The following PDZRN4 variants were observed in gnomAD, a reference collection of about 807,000 sequenced individuals.
PDZRN4 encodes PDZ domain containing ring finger 4.
In PDZRN4, 70 loss-of-function variants were observed where a neutral mutation model predicts 99.0. That is an observed-to-expected ratio of 0.71 (90% confidence interval 0.58 to 0.86). The LOEUF is 0.86. PDZRN4 is among the 40% of genes least tolerant of loss of function. The pLI is 0.00. For synonymous variants in PDZRN4, 551 were observed against 501.6 expected (o/e 1.10, Z -1.32); for missense variants, 1,474 against 1,331.2 (o/e 1.11, Z -1.67).
rs373899498 is a variant in PDZRN4 at position 41,285,190 on chromosome 12, A to C, written c.843+91002A>C. The stretch of plus-strand genomic sequence containing the variant: ...AAAACAAAAAACCCCATCGAAAAAC[A>C]GGCAAAGAATATGAACAGACACTTC... On this transcript the variant is annotated intron_variant, in intron 3 of 9. Transcript: ENST00000402685. 2.0e-5 allele frequency among the ~76,000 whole-genome samples: 3 copies of C among 152,196 alleles called. No homozygotes were observed. In the East Asian group the frequency reaches 5.8e-4, roughly 29 times the overall value.
intron 3 of PDZRN4, among the ~76,000 whole-genome samples, chr12:41,215,739 C>T (rs967738947): frequency 6.6e-6 from 1 of 151,832 alleles, no homozygotes; most frequent in Non-Finnish European, 1.5e-5. Flanking sequence ...ATCATTTCAC[C>T]TCTCATCCTA....
chr12:41,345,400 A>G (rs533621215), intron 3 of PDZRN4, among the ~76,000 whole-genome samples: 1 of 152,252 alleles, frequency 6.6e-6, no homozygotes, highest in South Asian at 2.1e-4. Flanking sequence ...GTGGATGGTT[A>G]ATACTGCTAA....
intron 3 of PDZRN4, among the ~76,000 whole-genome samples, chr12:41,282,458 A>G (rs1218332196): frequency 1.3e-5 from 2 of 152,186 alleles, no homozygotes; most frequent in Non-Finnish European, 2.9e-5. Flanking sequence ...TATTAGACAG[A>G]TCAATGAGAC....
intron 3 of PDZRN4, among the ~76,000 whole-genome samples, chr12:41,395,049 A>G (rs1028811403): frequency 6.6e-6 from 1 of 152,108 alleles, no homozygotes; most frequent in Non-Finnish European, 1.5e-5. Flanking sequence ...CAAATTATTT[A>G]TATTGCTCCC....
chr12:41,191,588 G>A lies in PDZRN4; in HGVS notation c.735+44G>A, dbSNP rs549952978. 7.3e-5 allele frequency: 62 copies of A among 854,470 alleles called. 1 individual carries two copies. The highest frequency in any genetic ancestry group is 1.1e-4 in the Non-Finnish European group (58 of 511,304). The allele number at this position is 854,470 out of a possible 1,614,324, so 52.9% of individuals were successfully genotyped here. ...GCATTACTCGTTACTTATAAAATAA[G>A]CATTAATAAGCATTACTCATTGCTT... On this transcript the variant is annotated intron_variant, in intron 2 of 9. Coordinates refer to ENST00000402685, the MANE Select transcript of PDZRN4 (RefSeq NM_001164595.2).
intron 3 of PDZRN4, among the ~76,000 whole-genome samples, chr12:41,310,144 G>C (rs186318642): frequency 6.6e-6 from 1 of 152,202 alleles, no homozygotes; most frequent in African/African-American, 2.4e-5. Context: ...TGTTAGCCAG[G>C]CTGGTCTTGA....
At chr12:41,339,641 C>A (rs1046930754) in intron 3 of PDZRN4, among the ~76,000 whole-genome samples, 3 of 152,088 alleles carry the variant, frequency 2.0e-5, no homozygotes, top group East Asian at 1.9e-4. Context: ...AGTGAACAGA[C>A]AACCCATAGA....
chr12:41,537,916 T>C (rs1452967634), intron 5 of PDZRN4, among the ~76,000 whole-genome samples: 1 of 152,006 alleles, frequency 6.6e-6, no homozygotes, highest in East Asian at 1.9e-4. Context: ...CTGGTTCTGA[T>C]GCCAGCAGAA....
intron 3 of PDZRN4, among the ~76,000 whole-genome samples, chr12:41,260,983 C>A (rs7960429): frequency 0.4 from 60,083 of 152,000 alleles, 13,352 homozygotes; most frequent in South Asian, 0.55. Flanking sequence ...ATTTATCTCT[C>A]CCTTTTAATT....
At chr12:41,371,830 T>C (rs1952044437) in intron 3 of PDZRN4, among the ~76,000 whole-genome samples, 1 of 152,150 alleles carries the variant, frequency 6.6e-6, no homozygotes, top group Non-Finnish European at 1.5e-5. Context: ...CTCCTTTGTT[T>C]TATGCATGAT....
At chr12:41,323,922 T>A (rs985993825) in intron 3 of PDZRN4, among the ~76,000 whole-genome samples, 1 of 152,032 alleles carries the variant, frequency 6.6e-6, no homozygotes, top group Admixed American at 6.6e-5. Flanking sequence ...TATAAAGATA[T>A]AATCCAAAAC....
intron 3 of PDZRN4, among the ~76,000 whole-genome samples, chr12:41,285,237 G>C (rs1219577405): frequency 1.3e-5 from 2 of 152,228 alleles, no homozygotes; most frequent in East Asian, 3.9e-4. Flanking sequence ...CATTTATGTG[G>C]CTAACAAACA....
At chr12:41,475,992 C>T (rs1424659078) in intron 3 of PDZRN4, among the ~76,000 whole-genome samples, 1 of 152,052 alleles carries the variant, frequency 6.6e-6, no homozygotes, top group South Asian at 2.1e-4. Context: ...TCCAAAAATC[C>T]TCCTTAGCAC....
In PDZRN4 at chr12:41,435,943, T is replaced by C. The variant is rs184042048; in HGVS notation, c.844-70513T>C. 6.4e-4 allele frequency among the ~76,000 whole-genome samples: 97 copies of C among 152,326 alleles called. 1 individual carries two copies. The highest frequency in any genetic ancestry group is 2.2e-3 in the African/African-American group (92 of 41,580). On this transcript the variant is annotated intron_variant, in intron 3 of 9. Coordinates refer to ENST00000402685, the MANE Select transcript of PDZRN4 (RefSeq NM_001164595.2). ...CATGAGAATACTTCATGGGAAGTGA[T>C]ATAGAGGCTTAGAGAAGTTAAAACT...
At chr12:41,457,254 T>C (rs190368218) in intron 3 of PDZRN4, among the ~76,000 whole-genome samples, 1 of 152,316 alleles carries the variant, frequency 6.6e-6, no homozygotes, top group Admixed American at 6.5e-5. Flanking sequence ...CATGAAAGTT[T>C]AACTTAGGTG....
intron 3 of PDZRN4, chr12:41,477,921 G>C (rs760851946): frequency 6.6e-6 from 10 of 1,520,662 alleles, no homozygotes; most frequent in Non-Finnish European, 8.9e-6. Context: ...GCCATCCACT[G>C]TAAGTATGGC....
chr12:41,261,036 C>T (rs1212760538), intron 3 of PDZRN4, among the ~76,000 whole-genome samples: 1 of 152,036 alleles, frequency 6.6e-6, no homozygotes, highest in African/African-American at 2.4e-5. Flanking sequence ...ATTGGTGATG[C>T]AGAAAGATGC....
chr12:41,492,633 C>A (rs1461385402), intron 3 of PDZRN4, among the ~76,000 whole-genome samples: 2 of 151,810 alleles, frequency 1.3e-5, no homozygotes, highest in Admixed American at 6.6e-5. Context: ...ACTGTCCTAG[C>A]GTTTGTATTA....
chr12:41,392,615 A>G (rs1265255680), intron 3 of PDZRN4, among the ~76,000 whole-genome samples: 1 of 152,170 alleles, frequency 6.6e-6, no homozygotes, highest in Non-Finnish European at 1.5e-5. Context: ...CTTACATCCT[A>G]GTTATGCCAG....
Sources: gnomAD v4.1 joint callset for allele counts (sites outside exome capture counted in the v4.1 genomes callset) on GRCh38, gnomAD v4.1.1 for gene constraint, MANE v1.5 for transcripts, NCBI Gene and HGNC (gene_info 2026-07-23, HGNC 2026-07-21) for gene names.